Variants in STK32B observed in about 807,000 individuals in gnomAD.
The protein encoded by STK32B is serine/threonine-protein kinase 32B.
STK32B carries 43 observed loss-of-function variants against 52.6 expected under a neutral mutation model. The observed-to-expected ratio is 0.82, with a 90% CI of 0.64 to 1.05. The LOEUF (loss-of-function observed/expected upper bound fraction) is 1.05, where lower values mean the gene tolerates loss of function less well. Among genes scored for constraint, STK32B ranks in the 50% least tolerant of loss-of-function variants. The pLI, the probability that STK32B is intolerant of heterozygous loss-of-function variation, is 0.00. For synonymous variants in STK32B, 238 were observed against 204.3 expected (o/e 1.17, Z -1.41); for missense variants, 621 against 534.6 (o/e 1.16, Z -1.59).
intron 11 of STK32B, among the ~76,000 whole-genome samples, chr4:5,487,639 G>T (rs1719344041): frequency 6.6e-6 from 1 of 152,180 alleles, no homozygotes; most frequent in African/African-American, 2.4e-5. Flanking sequence ...AGCTGTGCTA[G>T]GGTTATCGTC....
the STK32B span, among the ~76,000 whole-genome samples, chr4:5,032,533 A>G: frequency 6.6e-6 from 1 of 151,706 alleles, no homozygotes; most frequent in Admixed American, 6.6e-5. Context: ...AAAAACCCCT[A>G]AACTGCATTT....
chr4:5,427,210 G>T (rs1252961094), intron 6 of STK32B, among the ~76,000 whole-genome samples: 1 of 152,182 alleles, frequency 6.6e-6, no homozygotes, highest in East Asian at 1.9e-4. Context: ...ACTTTGAAAT[G>T]TTGAACCAGC....
chr4:5,062,993 G>A (rs62291620), intron 1 of STK32B, among the ~76,000 whole-genome samples: 6 of 151,530 alleles, frequency 4.0e-5, no homozygotes, highest in African/African-American at 1.2e-4. Context: ...TTTTTTCTTC[G>A]GACACTGATT....
At chr4:5,338,385 A>T (rs1213934021) in intron 4 of STK32B, among the ~76,000 whole-genome samples, 1 of 152,184 alleles carries the variant, frequency 6.6e-6, no homozygotes. Flanking sequence ...TTTAAGTGCG[A>T]TGCTGTACTT....
At chr4:5,225,739 C>T (rs544048908) in intron 3 of STK32B, among the ~76,000 whole-genome samples, 27 of 152,218 alleles carry the variant, frequency 1.8e-4, no homozygotes, top group African/African-American at 6.3e-4. Flanking sequence ...TGGAAGGGCT[C>T]AAGGAAGGAA....
intron 3 of STK32B, among the ~76,000 whole-genome samples, chr4:5,276,043 C>T (rs921260295): frequency 6.6e-5 from 10 of 152,144 alleles, no homozygotes; most frequent in African/African-American, 2.4e-4. Flanking sequence ...AACCCCAGCA[C>T]TTTCGGAGGC....
intron 4 of STK32B, among the ~76,000 whole-genome samples, chr4:5,344,723 G>A (rs564829659): frequency 2.0e-5 from 3 of 149,772 alleles, no homozygotes; most frequent in African/African-American, 7.4e-5. Flanking sequence ...ATCATTAAGA[G>A]CAGTAATAGA....
chr4:5,476,958 C>T (rs780643652), intron 11 of STK32B, among the ~76,000 whole-genome samples: 12 of 151,862 alleles, frequency 7.9e-5, no homozygotes. Flanking sequence ...AAGGACTTCC[C>T]CCTGCAACCC....
intron 3 of STK32B, among the ~76,000 whole-genome samples, chr4:5,191,344 G>A (rs62290534): frequency 0.055 from 8,372 of 151,714 alleles, 408 homozygotes; most frequent in Admixed American, 0.17. Flanking sequence ...TCTGCCTCCC[G>A]GGTTCACACC....
chr4:5,487,044 T>G (rs1194755205), intron 11 of STK32B, among the ~76,000 whole-genome samples: 1 of 152,214 alleles, frequency 6.6e-6, no homozygotes, highest in Non-Finnish European at 1.5e-5. Flanking sequence ...ATGATCAGTT[T>G]TTACAAGTTC....
intron 3 of STK32B, among the ~76,000 whole-genome samples, chr4:5,306,888 A>T (rs1729959984): frequency 6.6e-6 from 1 of 152,122 alleles, no homozygotes; most frequent in African/African-American, 2.4e-5. Context: ...CCTTTCCTTC[A>T]TTTATGAAGC....
At chr4:5,302,238 T>C (rs945870098) in intron 3 of STK32B, among the ~76,000 whole-genome samples, 2 of 151,928 alleles carry the variant, frequency 1.3e-5, no homozygotes, top group Non-Finnish European at 2.9e-5. Flanking sequence ...GAATTATATA[T>C]GCTTTCAGTG....
At chr4:5,207,405 A>C (rs770245899) in intron 3 of STK32B, among the ~76,000 whole-genome samples, 13 of 152,162 alleles carry the variant, frequency 8.5e-5, no homozygotes, top group Non-Finnish European at 1.5e-4. Context: ...TATAAAAAGC[A>C]GTTCCCTTGC....
intron 4 of STK32B, among the ~76,000 whole-genome samples, chr4:5,385,196 G>C (rs1030411370): frequency 6.6e-6 from 1 of 152,094 alleles, no homozygotes; most frequent in African/African-American, 2.4e-5. Flanking sequence ...AGAAGAACAG[G>C]AGGGTTTAGA....
chr4:5,245,669 G>T (rs1288291858), intron 3 of STK32B, among the ~76,000 whole-genome samples: 2 of 152,218 alleles, frequency 1.3e-5, no homozygotes, highest in South Asian at 4.2e-4. Flanking sequence ...TCCTAGCCTC[G>T]ATGGTCTTTA....
intron 4 of STK32B, among the ~76,000 whole-genome samples, chr4:5,357,071 A>G (rs552170792): frequency 6.9e-6 from 1 of 144,696 alleles, no homozygotes; most frequent in African/African-American, 2.7e-5. Context: ...ATACACACAT[A>G]TACACACACA....
chr4:5,068,293 C>CGTCTGA (rs1711546299), intron 1 of STK32B, among the ~76,000 whole-genome samples: 1 of 152,088 alleles, frequency 6.6e-6, no homozygotes. Flanking sequence ...ATTCTTCCCC[C>CGTCTGA]GTCTGAGTCT....
chr4:5,307,906 G>A (rs983295760), intron 3 of STK32B, among the ~76,000 whole-genome samples: 2 of 152,112 alleles, frequency 1.3e-5, no homozygotes, highest in Admixed American at 1.3e-4. Flanking sequence ...TCTTCAGGAT[G>A]TAGCCACCCA....
At chr4:5,056,273 T>A (rs2108754364) in intron 1 of STK32B, among the ~76,000 whole-genome samples, 1 of 152,286 alleles carries the variant, frequency 6.6e-6, no homozygotes, top group South Asian at 2.1e-4. Context: ...ATGAAACGAA[T>A]CCCTGGTGCC....
Sources: gnomAD v4.1 joint callset for allele counts (sites outside exome capture counted in the v4.1 genomes callset) on GRCh38, gnomAD v4.1.1 for gene constraint, MANE v1.5 for transcripts, NCBI Gene and HGNC (gene_info 2026-07-23, HGNC 2026-07-21) for gene names.